The following TRDN variants were observed in gnomAD, a reference collection of about 807,000 sequenced individuals.
TRDN encodes triadin in skeletal muscle.
A neutral mutation model predicts 149.7 loss-of-function variants in TRDN; 161 were observed. The ratio of observed to expected loss-of-function variants is 1.08; its 90% CI spans 0.95 to 1.23. The LOEUF (loss-of-function observed/expected upper bound fraction) is 1.23, where lower values mean the gene tolerates loss of function less well. TRDN is among the 50% of genes most tolerant of loss of function. The pLI is 0.00. For synonymous variants in TRDN, 294 were observed against 250.5 expected (o/e 1.17, Z -1.64); for missense variants, 896 against 823.5 (o/e 1.09, Z -1.08).
intron 10 of TRDN, chr6:123,464,511 C>T (rs535564726): frequency 1.0e-6 from 1 of 998,914 alleles, no homozygotes; most frequent in Non-Finnish European, 1.2e-6. Flanking sequence ...TCCAAATTTA[C>T]AAAGCTAGGA....
intron 38 of TRDN, among the ~76,000 whole-genome samples, chr6:123,245,179 C>T (rs957111545): frequency 1.3e-4 from 19 of 151,906 alleles, no homozygotes; most frequent in Admixed American, 9.8e-4. Flanking sequence ...ATGAAGAAAC[C>T]GCATCAACTA....
chr6:123,403,777 T>C (rs1475257933), intron 12 of TRDN, among the ~76,000 whole-genome samples: 1 of 151,636 alleles, frequency 6.6e-6, no homozygotes, highest in Non-Finnish European at 1.5e-5. Context: ...GAAAATAGAA[T>C]TTTACTAAAT....
In TRDN at chr6:123,274,632, T is replaced by A; in HGVS notation, c.1597+9A>T. On this transcript the variant is annotated intron_variant, in intron 27 of 40. Transcript: ENST00000334268. The stretch of plus-strand genomic sequence containing the variant: ...ACTCTGAATCTATATAAAATAAAGC[T>A]CATGTTACCTGGTTTTGCTTCTTTT... 6.2e-7 allele frequency: 1 copy of A among 1,605,954 alleles called. No individual in the cohort carries two copies. The highest frequency in any genetic ancestry group is 8.5e-7 in the Non-Finnish European group (1 of 1,175,374).
rs541365452 is a variant in TRDN, at chr6:123,625,263, A to G, written c.22+11491T>C. On this transcript the variant is annotated intron_variant, in intron 1 of 40. Transcript: ENST00000334268. Reference sequence around the variant, plus strand: ...ATAATCATAAGATTTATGAACAATAATATGACATTCTTTACATCAAACACC... The same window carrying G: ...ATAATCATAAGATTTATGAACAATAGTATGACATTCTTTACATCAAACACC... Among the ~76,000 whole-genome samples the G allele has an allele frequency of 2.0e-5, 3 of 152,324 alleles. No homozygotes were observed. The South Asian group carries it at 6.2e-4, about 32-fold the overall frequency.
At chr6:123,518,050 G>A (rs937856384) in intron 5 of TRDN, among the ~76,000 whole-genome samples, 8 of 151,928 alleles carry the variant, frequency 5.3e-5, no homozygotes, top group East Asian at 3.9e-4. Flanking sequence ...TAGTTTTATC[G>A]TCTAGTTAAA....
At chr6:123,560,107 C>G (rs79747328) in intron 2 of TRDN, among the ~76,000 whole-genome samples, 1 of 152,204 alleles carries the variant, frequency 6.6e-6, no homozygotes, top group South Asian at 2.1e-4. Flanking sequence ...TAGCCTAGCC[C>G]TTATGTCTGC....
intron 20 of TRDN, among the ~76,000 whole-genome samples, chr6:123,353,172 A>G (rs1420670310): frequency 1.3e-5 from 2 of 151,862 alleles, no homozygotes; most frequent in South Asian, 2.1e-4. Context: ...AACAGTACAA[A>G]TGATTCATTT....
chr6:123,328,398 C>T (rs938577683), intron 23 of TRDN, among the ~76,000 whole-genome samples: 1 of 152,188 alleles, frequency 6.6e-6, no homozygotes, highest in African/African-American at 2.4e-5. Context: ...ACCTGCAAAC[C>T]TATCTTATTA....
intron 23 of TRDN, among the ~76,000 whole-genome samples, chr6:123,317,609 A>T (rs1323914887): frequency 6.6e-6 from 1 of 151,906 alleles, no homozygotes; most frequent in African/African-American, 2.4e-5. Context: ...TTTTTGACAC[A>T]TTCACTTAGC....
At chr6:123,471,314 A>G (rs542354931) in intron 9 of TRDN, 1 of 152,344 alleles carries the variant, frequency 6.6e-6, no homozygotes, top group Non-Finnish European at 1.5e-5. Context: ...TCAGCAACTT[A>G]TGAACTCATT....
Position 123,497,365 on chromosome 6 carries a change from T to C in TRDN, c.794-113A>G, listed in dbSNP as rs1301871891. On this transcript the variant is annotated intron_variant, in intron 8 of 40. Coordinates refer to ENST00000334268, the MANE Select transcript of TRDN (RefSeq NM_006073.4). ...AATAGCACAATTCTATTTTGGTTAC[T>C]ACAATATTTTCTGTAAAAAAAATAA... is the stretch of plus-strand genomic sequence containing the variant. The C allele has an allele frequency of 6.2e-6, 4 of 640,330 alleles. No individual in the cohort carries two copies. In the African/African-American group the frequency reaches 7.8e-5, roughly 12 times the overall value. 39.7% of individuals were successfully genotyped at this position (640,330 alleles called of 1,614,324 possible). A position where few individuals can be genotyped will look rare whatever the true frequency, so the allele number is the denominator to read the frequency against.
At chr6:123,402,525 G>C (rs1405382151) in intron 12 of TRDN, among the ~76,000 whole-genome samples, 1 of 152,148 alleles carries the variant, frequency 6.6e-6, no homozygotes, top group Non-Finnish European at 1.5e-5. Context: ...GTTAAAGTTT[G>C]TTTAAAAGTA....
intron 9 of TRDN, among the ~76,000 whole-genome samples, chr6:123,487,454 A>T (rs1009873903): frequency 6.6e-6 from 1 of 151,994 alleles, no homozygotes; most frequent in Admixed American, 6.6e-5. Context: ...TCCTTCCTTC[A>T]ATTCTATGCT....
intron 36 of TRDN, among the ~76,000 whole-genome samples, chr6:123,255,359 A>G (rs917658860): frequency 2.6e-5 from 4 of 152,172 alleles, no homozygotes; most frequent in Admixed American, 6.6e-5. Flanking sequence ...ACTAGAATGT[A>G]TGAAAAATGG....
chr6:123,599,276 C>T (rs559584558), intron 1 of TRDN, among the ~76,000 whole-genome samples: 2 of 152,068 alleles, frequency 1.3e-5, no homozygotes, highest in African/African-American at 4.8e-5. Flanking sequence ...ACTGCTTTTT[C>T]GTGGATATGA....
chr6:123,476,068 G>A (rs550758575), intron 9 of TRDN, among the ~76,000 whole-genome samples: 1 of 137,348 alleles, frequency 7.3e-6, no homozygotes, highest in African/African-American at 2.8e-5. Flanking sequence ...GGGCAATTAG[G>A]CAGGAGAAGG....
intron 2 of TRDN, among the ~76,000 whole-genome samples, chr6:123,551,879 G>A (rs6930070): frequency 0.032 from 4,846 of 152,146 alleles, 108 homozygotes; most frequent in African/African-American, 0.066. Flanking sequence ...TTTGGGTGGG[G>A]AGATTTTAGA....
Position 123,330,394 on chromosome 6 carries a change from T to C in TRDN, c.1471+1485A>G, listed in dbSNP as rs77423703. ...TATTTTTCTTACCTTTCTCAATTAATTTAAACTTTGAATACTAAAATGTAG... is the reference window on the plus strand; with the variant it reads ...TATTTTTCTTACCTTTCTCAATTAACTTAAACTTTGAATACTAAAATGTAG... On this transcript the variant is annotated intron_variant, in intron 23 of 40. Coordinates refer to ENST00000334268, the MANE Select transcript of TRDN (RefSeq NM_006073.4). 3.1e-3 allele frequency among the ~76,000 whole-genome samples: 467 copies of C among 152,112 alleles called. 16 individuals carry two copies. In the East Asian group the frequency reaches 0.076, roughly 25 times the overall value.
intron 24 of TRDN, among the ~76,000 whole-genome samples, chr6:123,287,760 A>C (rs2114644176): frequency 6.6e-6 from 1 of 152,246 alleles, no homozygotes; most frequent in Admixed American, 6.5e-5. Flanking sequence ...ATATGAAATC[A>C]AATTTATATA....
Sources: allele counts gnomAD v4.1 joint callset (sites outside exome capture counted in the v4.1 genomes callset), GRCh38; gene constraint gnomAD v4.1.1; transcripts MANE v1.5; gene names NCBI Gene and HGNC (gene_info 2026-07-23, HGNC 2026-07-21).